The following IFT74 variants were observed in gnomAD, a reference collection of about 807,000 sequenced individuals.
IFT74 encodes intraflagellar transport 74, also known as intraflagellar transport protein 74 homolog.
IFT74 carries 92 observed loss-of-function variants against 96.7 expected under a neutral mutation model. The observed-to-expected ratio is 0.95, with a 90% confidence interval of 0.80 to 1.13. The LOEUF is 1.13. Ranked by LOEUF, IFT74 falls within the 50% of genes most tolerant of loss-of-function variation. IFT74 has a pLI of 0.00. For synonymous variants in IFT74, 223 were observed against 213.2 expected, an observed-to-expected ratio of 1.05 and a Z score of -0.40; for missense variants, 811 against 698.2, an observed-to-expected ratio of 1.16 and a Z score of -1.82.
chr9:26,950,465 G>C (rs781260475), intron 1 of IFT74, among the ~76,000 whole-genome samples: 19 of 152,090 alleles, frequency 1.2e-4, no homozygotes, highest in African/African-American at 4.3e-4. Context: ...GAGTTGGGGT[G>C]GGGGGTCACT....
intron 8 of IFT74, chr9:26,999,574 C>T: frequency 7.0e-7 from 1 of 1,430,044 alleles, no homozygotes; most frequent in South Asian, 1.2e-5. Context: ...GAAAATGTAC[C>T]TTTGAAAATA....
chr9:27,057,720 T>A (rs528764605), intron 18 of IFT74, among the ~76,000 whole-genome samples: 4 of 151,614 alleles, frequency 2.6e-5, no homozygotes, highest in Admixed American at 2.6e-4. Context: ...TAGCCAGGAG[T>A]GGTGGCGGGT....
In IFT74 at chr9:27,005,361, GC is replaced by G. The variant is rs916556296; in HGVS notation, c.588-3653del. Among the ~76,000 whole-genome samples, 14 of 25,318 alleles carry G rather than the reference GC, an allele frequency of 5.5e-4. 1 individual carries two copies. The highest frequency in any genetic ancestry group is 2.5e-3 in the Admixed American group (3 of 1,190). 16.6% of individuals were successfully genotyped at this position (25,318 alleles called of 152,430 possible). A position where few individuals can be genotyped will look rare whatever the true frequency, so the allele number is the denominator to read the frequency against. On this transcript the variant is annotated intron_variant, in intron 8 of 19. Coordinates refer to ENST00000380062, the MANE Select transcript of IFT74 (RefSeq NM_025103.4). The stretch of plus-strand genomic sequence containing the variant: ...GCTAGATGAAACCATTTCCCCCCCC[GC>G]CCCCCGCAAAACAATTACTTAGTAT...
intron 12 of IFT74, among the ~76,000 whole-genome samples, chr9:27,024,148 A>C (rs140267789): frequency 6.6e-6 from 1 of 152,184 alleles, no homozygotes; most frequent in East Asian, 1.9e-4. Flanking sequence ...TAACATCCAC[A>C]CTAACCAGAG....
intron 10 of IFT74, among the ~76,000 whole-genome samples, chr9:27,014,326 AGGACCAC>A (rs1829245671): frequency 6.6e-6 from 1 of 152,218 alleles, no homozygotes; most frequent in African/African-American, 2.4e-5. Context: ...TAAAGAAAGA[AGGACCAC>A]ATTTAGTATT....
intron 18 of IFT74, among the ~76,000 whole-genome samples, chr9:27,056,873 T>G (rs1023064093): frequency 1.0e-4 from 15 of 149,984 alleles, no homozygotes; most frequent in Non-Finnish European, 2.2e-4. Context: ...GATAGATAGA[T>G]AGATAGATAG....
chr9:26,949,742 A>T (rs550302943), intron 1 of IFT74, among the ~76,000 whole-genome samples: 1 of 152,304 alleles, frequency 6.6e-6, no homozygotes, highest in South Asian at 2.1e-4. Flanking sequence ...GTTGGTGGGC[A>T]GGAGGCTAGG....
chr9:27,034,910 A>G (rs1434748495), intron 13 of IFT74, among the ~76,000 whole-genome samples: 3 of 152,202 alleles, frequency 2.0e-5, no homozygotes, highest in Non-Finnish European at 4.4e-5. Flanking sequence ...GATCTTGGAC[A>G]TGCTATTTAT....
intron 8 of IFT74, chr9:26,998,215 T>C: frequency 6.7e-7 from 1 of 1,495,452 alleles, no homozygotes; most frequent in Non-Finnish European, 9.0e-7. Context: ...AGGTATAATT[T>C]TTTTCAGTAA....
intron 8 of IFT74, chr9:26,994,571 T>TTTCACC (rs1828048310): frequency 6.6e-6 from 1 of 152,326 alleles, no homozygotes; most frequent in African/African-American, 2.4e-5. Flanking sequence ...AAGAATCTTG[T>TTTCACC]TTCACCTTGT....
At chr9:27,034,551 G>A (rs1382278574) in intron 13 of IFT74, among the ~76,000 whole-genome samples, 4 of 152,000 alleles carry the variant, frequency 2.6e-5, no homozygotes, top group African/African-American at 7.2e-5. Context: ...ATTTTGAGAC[G>A]GAGTTTTTCT....
intron 13 of IFT74, among the ~76,000 whole-genome samples, chr9:27,038,872 A>T (rs1363887466): frequency 1.3e-5 from 2 of 152,234 alleles, no homozygotes; most frequent in Non-Finnish European, 2.9e-5. Flanking sequence ...GGATAGCAAC[A>T]TGCCTACAAG....
At chr9:27,046,980 C>A (rs1184180864) in intron 14 of IFT74, among the ~76,000 whole-genome samples, 1 of 152,090 alleles carries the variant, frequency 6.6e-6, no homozygotes, top group African/African-American at 2.4e-5. Flanking sequence ...CGAGACCATC[C>A]TGGCCAACAT....
chr9:26,989,160 T>A (rs1827763101), intron 7 of IFT74, among the ~76,000 whole-genome samples: 1 of 152,196 alleles, frequency 6.6e-6, no homozygotes. Context: ...AATTTTTGAT[T>A]GGTAAATGAG....
At position 26,963,369 on chromosome 9, in the gene IFT74, T is replaced by C. The variant is rs576904797; in HGVS notation, c.120+1282T>C. Among the ~76,000 whole-genome samples the C allele has an allele frequency of 2.4e-4, 36 of 151,810 alleles. No individual in the cohort carries two copies. The East Asian group carries it at 6.8e-3, about 29-fold the overall frequency. On this transcript the variant is annotated intron_variant, in intron 2 of 19. Coordinates refer to ENST00000380062, the MANE Select transcript of IFT74 (RefSeq NM_025103.4). ...AATCCAGTCTATCATTGTTGGACAT[T>C]TGGGTTGGTTCCAAGTCTTTGCTAT... is the stretch of plus-strand genomic sequence containing the variant.
In IFT74 at chr9:26,976,879, T is replaced by C. The variant is rs146844368; in HGVS notation, c.121-1249T>C. ...TTTTGCATACCTGAAGTAGAGAATC[T>C]TGTTGAGTAATAATATGAATGCTTG... On this transcript the variant is annotated intron_variant, in intron 2 of 19. Coordinates refer to ENST00000380062, the MANE Select transcript of IFT74 (RefSeq NM_025103.4). 832 of 435,730 alleles carry C rather than the reference T, an allele frequency of 1.9e-3. 11 individuals are homozygous for C. The highest frequency in any genetic ancestry group is 0.016 in the African/African-American group (794 of 49,286). The allele number at this position is 435,730 out of a possible 1,614,324, so 27.0% of individuals were successfully genotyped here.
At chr9:27,057,886 C>T (rs555604121) in intron 18 of IFT74, among the ~76,000 whole-genome samples, 1 of 151,900 alleles carries the variant, frequency 6.6e-6, no homozygotes, top group Admixed American at 6.6e-5. Flanking sequence ...TCTTTTTCTT[C>T]ATATGGTTAT....
intron 8 of IFT74, among the ~76,000 whole-genome samples, chr9:27,006,914 G>A (rs1828818549): frequency 7.3e-6 from 1 of 137,106 alleles, no homozygotes; most frequent in South Asian, 2.4e-4. Context: ...TCGGCTCACT[G>A]CAAGCTCTGC....
chr9:27,012,285 T>C (rs1158504570), intron 10 of IFT74, among the ~76,000 whole-genome samples: 2 of 152,170 alleles, frequency 1.3e-5, no homozygotes, highest in African/African-American at 4.8e-5. Context: ...TGCGGTGACA[T>C]GATCGTAGCT....
Sources: gnomAD v4.1 joint callset for allele counts (sites outside exome capture counted in the v4.1 genomes callset) on GRCh38, gnomAD v4.1.1 for gene constraint, MANE v1.5 for transcripts, NCBI Gene and HGNC (gene_info 2026-07-23, HGNC 2026-07-21) for gene names.